Variants in SUSD4 observed in about 807,000 individuals in gnomAD.
SUSD4 encodes the protein sushi domain containing 4.
SUSD4 carries 41 observed loss-of-function variants against 50.5 expected under a neutral mutation model. The ratio of observed to expected loss-of-function variants is 0.81; its 90% CI spans 0.63 to 1.05. The LOEUF (loss-of-function observed/expected upper bound fraction) is 1.05, where lower values mean the gene tolerates loss of function less well. Among genes scored for constraint, SUSD4 ranks in the 50% least tolerant of loss-of-function variants. The probability of loss-of-function intolerance (pLI) is 0.00; values close to 1 mark genes in which losing one functional copy is unlikely to be tolerated. For synonymous variants in SUSD4, 257 were observed against 257.3 expected, an observed-to-expected ratio of 1.00 and a Z score of 0.01; for missense variants, 580 against 634.7, an observed-to-expected ratio of 0.91 and a Z score of 0.93.
intron 5 of SUSD4, among the ~76,000 whole-genome samples, chr1:223,257,572 A>G (rs1661786965): frequency 6.6e-6 from 1 of 152,158 alleles, no homozygotes; most frequent in Non-Finnish European, 1.5e-5. Context: ...TTGGCTTAGG[A>G]GAAAGGGAAA....
chr1:223,233,499 C>G (rs141779618), intron 5 of SUSD4, among the ~76,000 whole-genome samples: 5 of 152,322 alleles, frequency 3.3e-5, no homozygotes, highest in African/African-American at 1.2e-4. Flanking sequence ...AGTACTGCTA[C>G]TGTCTCCTCT....
rs150058357 is a variant in SUSD4 at position 223,279,955 on chromosome 1, T to A, written c.362-11280A>T. Among the ~76,000 whole-genome samples the A allele has an allele frequency of 3.1e-3, 473 of 152,236 alleles. 2 individuals carry two copies. The highest frequency in any genetic ancestry group is 0.011 in the African/African-American group (462 of 41,520). Reference sequence around the variant, plus strand: ...TTCAACATTCTTAAAGAAAAGAATTTTCAACCCGGAATTTCATATCCAGCC... The same window carrying A: ...TTCAACATTCTTAAAGAAAAGAATTATCAACCCGGAATTTCATATCCAGCC... On this transcript the variant is annotated intron_variant, in intron 3 of 8. Coordinates refer to ENST00000366878, the MANE Select transcript of SUSD4 (RefSeq NM_017982.4).
chr1:223,277,539 ATAGGTTGAAAT>A (rs1384399886), intron 3 of SUSD4, among the ~76,000 whole-genome samples: 2 of 152,076 alleles, frequency 1.3e-5, no homozygotes, highest in African/African-American at 4.8e-5. Context: ...GTGCCCAGGC[ATAGGTTGAAAT>A]ACCTATGCCT....
chr1:223,289,053 A>G, intron 3 of SUSD4: 2 of 969,778 alleles, frequency 2.1e-6, no homozygotes, highest in Non-Finnish European at 2.5e-6. Context: ...AGTAGACATA[A>G]CTGAGTTGGT....
At chr1:223,362,727 A>T (rs1669054616) in intron 2 of SUSD4, among the ~76,000 whole-genome samples, 2 of 152,160 alleles carry the variant, frequency 1.3e-5, no homozygotes, top group Non-Finnish European at 2.9e-5. Flanking sequence ...CCCCCAACAT[A>T]CACATACATG....
chr1:223,317,994 C>T (rs1666325847), intron 2 of SUSD4, among the ~76,000 whole-genome samples: 1 of 103,134 alleles, frequency 9.7e-6, no homozygotes, highest in African/African-American at 3.7e-5. Context: ...TCTCCCAATG[C>T]TATCCCTCCC....
chr1:223,283,403 C>T (rs1663896317), intron 3 of SUSD4, among the ~76,000 whole-genome samples: 1 of 152,168 alleles, frequency 6.6e-6, no homozygotes, highest in Admixed American at 6.5e-5. Context: ...CAAACAACCT[C>T]ATCAAAAATG....
Position 223,268,488 on chromosome 1 carries a change from C to T in SUSD4, c.535+14G>A. ...ATAATAGCCCAGCTGAGAACTGAAG[C>T]ATCAGTCCCGTACCTTGACAGATGG... is the stretch of plus-strand genomic sequence containing the variant. On this transcript the variant is annotated intron_variant, in intron 4 of 8. Coordinates refer to ENST00000366878, the MANE Select transcript of SUSD4 (RefSeq NM_017982.4). 1.2e-6 allele frequency: 2 copies of T among 1,606,310 alleles called. No homozygotes were observed. The highest frequency in any genetic ancestry group is 1.3e-5 in the African/African-American group (1 of 74,914).
intron 5 of SUSD4, among the ~76,000 whole-genome samples, chr1:223,249,138 T>TTTGAC (rs1375907876): frequency 1.3e-5 from 2 of 152,172 alleles, no homozygotes; most frequent in African/African-American, 4.8e-5. Flanking sequence ...GTCAGAGTGT[T>TTTGAC]TTGACGTCTG....
At chr1:223,310,918 T>C (rs1485414834) in intron 2 of SUSD4, among the ~76,000 whole-genome samples, 1 of 152,188 alleles carries the variant, frequency 6.6e-6, no homozygotes, top group Non-Finnish European at 1.5e-5. Context: ...TCCACAGAGG[T>C]ACCTGCAAAT....
rs1336004802 is a variant in SUSD4, at chr1:223,332,226, A to G, written c.148+31052T>C. ...AAATACCTAAGATGTGGTTCATAAA[A>G]TATTTGGAGGGTGCTAGTAGGAAGC... On this transcript the variant is annotated intron_variant, in intron 2 of 8. Transcript: ENST00000366878. The surrounding 1 kb of genome is among the most constrained non-coding windows in gnomAD (Gnocchi z 4.0). Among the ~76,000 whole-genome samples, 1 of 152,206 alleles carries G rather than the reference A, an allele frequency of 6.6e-6. No individual in the cohort carries two copies. The highest frequency in any genetic ancestry group is 1.5e-5 in the Non-Finnish European group (1 of 68,032).
chr1:223,337,186 C>T (rs1358533738), intron 2 of SUSD4, among the ~76,000 whole-genome samples: 1 of 152,168 alleles, frequency 6.6e-6, no homozygotes, highest in African/African-American at 2.4e-5. Context: ...TGAATGCCAC[C>T]TTACAGAGTT....
chr1:223,240,916 T>G (rs949831285), intron 5 of SUSD4, among the ~76,000 whole-genome samples: 3 of 152,196 alleles, frequency 2.0e-5, no homozygotes, highest in Non-Finnish European at 4.4e-5. Flanking sequence ...CTTTTGGTAA[T>G]GTTGTGGTGC....
intron 7 of SUSD4, among the ~76,000 whole-genome samples, chr1:223,224,862 C>CTTT (rs11345619): frequency 5.1e-5 from 3 of 59,278 alleles, no homozygotes; most frequent in African/African-American, 7.2e-5. Flanking sequence ...TGGTTTCTTC[C>CTTT]TTTTTTTTTT....
intron 8 of SUSD4, among the ~76,000 whole-genome samples, chr1:223,222,554 T>C (rs1659199753): frequency 6.6e-6 from 1 of 152,236 alleles, no homozygotes; most frequent in Non-Finnish European, 1.5e-5. Flanking sequence ...AAAGGAACAC[T>C]GTGGTGGCCC....
chr1:223,342,417 C>T (rs950149451), intron 2 of SUSD4, among the ~76,000 whole-genome samples: 2 of 152,100 alleles, frequency 1.3e-5, no homozygotes, highest in African/African-American at 4.8e-5. Context: ...AAAATGATTC[C>T]ACAATTTATC....
chr1:223,363,587 G>C (rs1195009518), intron 1 of SUSD4, 127 bp from the exon 2 acceptor site: 3 of 1,147,114 alleles, frequency 2.6e-6, no homozygotes, highest in East Asian at 5.6e-5. Flanking sequence ...TCCCCCGCGC[G>C]GCCCCCGCCC....
chr1:223,349,983 A>G (rs1668266481), intron 2 of SUSD4, among the ~76,000 whole-genome samples: 1 of 152,172 alleles, frequency 6.6e-6, no homozygotes, highest in Admixed American at 6.5e-5. Context: ...CTAATCCAAC[A>G]TGACCACAGA....
chr1:223,273,938 G>C (rs776880716), intron 3 of SUSD4, among the ~76,000 whole-genome samples: 2 of 152,154 alleles, frequency 1.3e-5, no homozygotes, highest in Non-Finnish European at 2.9e-5. Context: ...GAGTAGAATA[G>C]TTTTCCTGAG....
Sources: allele counts gnomAD v4.1 joint callset (sites outside exome capture counted in the v4.1 genomes callset), GRCh38; gene constraint gnomAD v4.1.1; non-coding constraint Gnocchi (gnomAD v3.1); transcripts MANE v1.5; gene names NCBI Gene and HGNC (gene_info 2026-07-23, HGNC 2026-07-21).